The following THSD4 variants were observed in gnomAD, a reference collection of about 807,000 sequenced individuals.
THSD4 encodes thrombospondin type-1 domain-containing protein 4.
A neutral mutation model predicts 119.0 loss-of-function variants in THSD4; 69 were observed. That is an observed-to-expected ratio of 0.58 (90% CI 0.48 to 0.71). The LOEUF (loss-of-function observed/expected upper bound fraction) is 0.71, where lower values mean the gene tolerates loss of function less well. THSD4 is among the 30% of genes least tolerant of loss of function. THSD4 has a pLI of 0.00. For synonymous variants in THSD4, 524 were observed against 540.4 expected, an observed-to-expected ratio of 0.97 and a Z score of 0.42; for missense variants, 1,393 against 1,391.1, an observed-to-expected ratio of 1.00 and a Z score of -0.02.
intron 7 of THSD4, among the ~76,000 whole-genome samples, chr15:71,622,919 G>T (rs2050443607): frequency 6.6e-6 from 1 of 152,118 alleles, no homozygotes; most frequent in Admixed American, 6.6e-5. Flanking sequence ...AGCTGGGCAG[G>T]ATTTGGATTG....
At chr15:71,760,181 C>T (rs2053606762) in intron 15 of THSD4, among the ~76,000 whole-genome samples, 1 of 152,184 alleles carries the variant, frequency 6.6e-6, no homozygotes, top group Non-Finnish European at 1.5e-5. Flanking sequence ...TGTGATCCAA[C>T]AGGTGGATGT....
chr15:71,263,381 G>A (rs113196720), intron 6 of THSD4, among the ~76,000 whole-genome samples: 178 of 143,288 alleles, frequency 1.2e-3, no homozygotes, highest in African/African-American at 4.5e-3. Flanking sequence ...TCATTGATGG[G>A]CATTTAGGTT....
At chr15:71,753,758 CT>C (rs1241690985) in intron 14 of THSD4, among the ~76,000 whole-genome samples, 1 of 152,240 alleles carries the variant, frequency 6.6e-6, no homozygotes, top group East Asian at 1.9e-4. Context: ...TGCTGACAGG[CT>C]TCCTGGACCA....
chr15:71,438,915 T>G (rs1442710354), intron 7 of THSD4, among the ~76,000 whole-genome samples: 2 of 152,220 alleles, frequency 1.3e-5, no homozygotes, highest in African/African-American at 4.8e-5. Flanking sequence ...ATATTTTTAC[T>G]TGATTGAAAA....
intron 7 of THSD4, among the ~76,000 whole-genome samples, chr15:71,499,108 GA>G (rs1470312288): frequency 5.3e-5 from 8 of 152,130 alleles, no homozygotes; most frequent in African/African-American, 1.9e-4. Context: ...GCATTGATCA[GA>G]TGGGTCCTAC....
chr15:71,401,287 A>T (rs1422689999), intron 6 of THSD4, among the ~76,000 whole-genome samples: 1 of 152,224 alleles, frequency 6.6e-6, no homozygotes, highest in Non-Finnish European at 1.5e-5. Context: ...GTTGATTTTG[A>T]ATAGAGATGG....
chr15:71,344,164 G>A (rs994200443), intron 6 of THSD4, among the ~76,000 whole-genome samples: 7 of 150,998 alleles, frequency 4.6e-5, no homozygotes, highest in African/African-American at 7.3e-5. Context: ...TCAGCCTCCC[G>A]AGTAGCTGGG....
At chr15:71,428,869 A>G (rs1358059187) in intron 7 of THSD4, among the ~76,000 whole-genome samples, 1 of 152,154 alleles carries the variant, frequency 6.6e-6, no homozygotes, top group Non-Finnish European at 1.5e-5. Flanking sequence ...TGACACATAC[A>G]GGAGCGTTTT....
intron 8 of THSD4, among the ~76,000 whole-genome samples, chr15:71,686,044 T>G (rs183999074): frequency 6.6e-6 from 1 of 152,198 alleles, no homozygotes; most frequent in African/African-American, 2.4e-5. Context: ...TTAACCCAGC[T>G]TCCCCTAATA....
At chr15:71,750,172 C>T in intron 14 of THSD4, among the ~76,000 whole-genome samples, 1 of 152,164 alleles carries the variant, frequency 6.6e-6, no homozygotes, top group East Asian at 1.9e-4. Context: ...CCATGAGCCC[C>T]CACCCCGTCC....
At chr15:71,359,129 G>A (rs564476454) in intron 6 of THSD4, among the ~76,000 whole-genome samples, 11 of 152,128 alleles carry the variant, frequency 7.2e-5, no homozygotes, top group Admixed American at 5.9e-4. Flanking sequence ...CCTCCCCTTC[G>A]CATCTTCTCT....
rs1003159276 is a variant in THSD4 at position 71,327,805 on chromosome 15, A to G, written c.1015+71090A>G. 2.6e-5 allele frequency among the ~76,000 whole-genome samples: 4 copies of G among 152,318 alleles called. 1 individual carries two copies. The South Asian group carries it at 8.3e-4, about 32-fold the overall frequency. On this transcript the variant is annotated intron_variant, in intron 6 of 17. Coordinates refer to ENST00000261862, the MANE Select transcript of THSD4 (RefSeq NM_024817.3). ...CATGTGCCTTCAAATATACACAAACACAACCTTTTGTATTTATATATAGTG... is the reference window on the plus strand; with the variant it reads ...CATGTGCCTTCAAATATACACAAACGCAACCTTTTGTATTTATATATAGTG...
chr15:71,655,986 C>T (rs1028738788), intron 7 of THSD4, among the ~76,000 whole-genome samples: 3 of 152,188 alleles, frequency 2.0e-5, no homozygotes, highest in African/African-American at 4.8e-5. Flanking sequence ...CAGGACTGCA[C>T]CCCAGGTTTT....
chr15:71,442,658 GTGTATATA>G (rs2047121031), intron 7 of THSD4, among the ~76,000 whole-genome samples: 1 of 31,348 alleles, frequency 3.2e-5, no homozygotes, highest in African/African-American at 9.9e-5. Context: ...GTGTGTGTGT[GTGTATATA>G]TATATATATA....
chr15:71,420,327 T>G lies in THSD4; in HGVS notation c.1152+8504T>G, dbSNP rs964559246. On this transcript the variant is annotated intron_variant, in intron 7 of 17. Coordinates refer to ENST00000261862, the MANE Select transcript of THSD4 (RefSeq NM_024817.3). Reference sequence around the variant, plus strand: ...TGGTTTCCGTTTGCATAGAATATCTTTGTTCATCCCTTTATTTTCAGTCTA... The same window carrying G: ...TGGTTTCCGTTTGCATAGAATATCTGTGTTCATCCCTTTATTTTCAGTCTA... Among the ~76,000 whole-genome samples, 9 of 108,032 alleles carry G rather than the reference T, an allele frequency of 8.3e-5. 2 individuals are homozygous for G. Among genetic ancestry groups the G allele is most frequent in the African/African-American group, 2.8e-4 (9 of 31,752 alleles). 70.9% of individuals were successfully genotyped at this position (108,032 alleles called of 152,430 possible).
At chr15:71,184,743 C>G (rs1474718390) in intron 3 of THSD4, among the ~76,000 whole-genome samples, 1 of 151,776 alleles carries the variant, frequency 6.6e-6, no homozygotes, top group Non-Finnish European at 1.5e-5. Context: ...TGGACTGTCC[C>G]CTGTTCTGCT....
intron 2 of THSD4, among the ~76,000 whole-genome samples, chr15:71,145,640 G>C (rs1264962325): frequency 1.3e-5 from 2 of 152,200 alleles, no homozygotes. Flanking sequence ...AAGGAAGAAA[G>C]GGGTTAAGAA....
chr15:71,730,633 T>TG (rs1567123924), intron 9 of THSD4: 1 of 153,980 alleles, frequency 6.5e-6, no homozygotes, highest in African/African-American at 2.4e-5. Flanking sequence ...GGGAGGGACC[T>TG]GGGGGCCAGC....
chr15:71,568,158 T>C (rs1348910072), intron 7 of THSD4, among the ~76,000 whole-genome samples: 1 of 152,170 alleles, frequency 6.6e-6, no homozygotes, highest in East Asian at 1.9e-4. Context: ...TCTCTAGTTT[T>C]ACCTCAGAAA....
Sources: gnomAD v4.1 joint callset for allele counts (sites outside exome capture counted in the v4.1 genomes callset) on GRCh38, gnomAD v4.1.1 for gene constraint, MANE v1.5 for transcripts, NCBI Gene and HGNC (gene_info 2026-07-23, HGNC 2026-07-21) for gene names.